FER1L5: variants seen among roughly 807,000 people sequenced by gnomAD.
FER1L5 encodes the protein fer-1-like protein 5.
In FER1L5, 187 loss-of-function variants were observed where a neutral mutation model predicts 279.9. The ratio of observed to expected loss-of-function variants is 0.67; its 90% CI spans 0.59 to 0.75. The LOEUF is 0.75. FER1L5 is among the 30% of genes least tolerant of loss of function. The pLI is 0.00. For missense variants in FER1L5, 2,091 were observed against 2,594.4 expected, an observed-to-expected ratio of 0.81 and a Z score of 4.21; for synonymous variants, 921 against 989.7, an observed-to-expected ratio of 0.93 and a Z score of 1.30.
intron 9 of FER1L5, among the ~76,000 whole-genome samples, chr2:96,659,048 C>G (rs2075714039): frequency 6.6e-6 from 1 of 151,916 alleles, no homozygotes; most frequent in Admixed American, 6.6e-5. Flanking sequence ...TGGGTTCATG[C>G]CATTCTCCTG....
chr2:96,697,539 T>C lies in FER1L5; in HGVS notation c.4097T>C (p.Leu1366Pro). Residue 1366 changes from leucine to proline, a missense_variant, in exon 38 of 53, where the codon CTC (leucine) becomes CCC (proline). Transcript: ENST00000624922. ...CTCCTTTTTCAGTTCCTAGGCTACC[T>C]CTACAGAAAGTTCTGGTTCAAGTCC... ...EKKHQDFLGY[L>P]YRKFWFKSSK... is the part of the protein sequence containing the mutation. 8 of 1,613,630 alleles carry C rather than the reference T, an allele frequency of 5.0e-6. No homozygotes were observed. Among genetic ancestry groups the C allele is most frequent in the Non-Finnish European group, 6.8e-6 (8 of 1,179,744 alleles).
chr2:96,665,566 ATCT>A (rs371632398), intron 14 of FER1L5, among the ~76,000 whole-genome samples: 6 of 150,214 alleles, frequency 4.0e-5, no homozygotes, highest in African/African-American at 1.2e-4. Context: ...GCCTTGGGAA[ATCT>A]TCTTTTTTCA....
rs1259640966 is a variant in FER1L5, at chr2:96,691,324, G to A, written c.2878G>A (p.Glu960Lys). 4 of 1,550,340 alleles carry A rather than the reference G, an allele frequency of 2.6e-6. No individual in the cohort carries two copies. Among genetic ancestry groups the A allele is most frequent in the South Asian group, 2.4e-5 (2 of 84,038 alleles). Residue 960 changes from glutamate (E) to lysine (K), a missense_variant, in exon 28 of 53, where the codon GAG becomes AAG. Physicochemically the swap from Glu to Lys is moderately conservative, Grantham distance 56. Transcript: ENST00000624922. The surrounding 1 kb of genome is among the most constrained non-coding windows in gnomAD (Gnocchi z 6.0). ...CAGGAACCATGGGGAGCTGAGCCACGAGCAGGAGACCCTCTCCTTCCTGCA... is the reference window on the plus strand; with the variant it reads ...CAGGAACCATGGGGAGCTGAGCCACAAGCAGGAGACCCTCTCCTTCCTGCA... Reference protein sequence around the residue: ...RFRNHGELSHEQETLSFLQLG... With the variant: ...RFRNHGELSHKQETLSFLQLG...
At chr2:96,677,053 G>T (rs918867608) in intron 19 of FER1L5, among the ~76,000 whole-genome samples, 2 of 152,148 alleles carry the variant, frequency 1.3e-5, no homozygotes, top group African/African-American at 2.4e-5. Context: ...CGTTGGCCAG[G>T]CTGGTCTCGA....
intron 10 of FER1L5, 24 bp downstream of exon 10, chr2:96,660,395 T>C (rs1010511307): frequency 1.4e-5 from 22 of 1,550,658 alleles, no homozygotes; most frequent in Non-Finnish European, 1.9e-5. Context: ...ATGGCAAATA[T>C]GTATGTCTTC....
chr2:96,697,563 C>A lies in FER1L5; in HGVS notation c.4121C>A (p.Ser1374Tyr). 6.2e-7 allele frequency: 1 copy of A among 1,613,744 alleles called. No individual in the cohort carries two copies. The highest frequency in any genetic ancestry group is 1.1e-5 in the South Asian group (1 of 90,984). ...CTCTACAGAAAGTTCTGGTTCAAGTCCAGTAAAGCAGAGGTGATGAAGGCT... is the reference window on the plus strand; with the variant it reads ...CTCTACAGAAAGTTCTGGTTCAAGTACAGTAAAGCAGAGGTGATGAAGGCT... ...GYLYRKFWFK[S>Y]SKAEDEYEHE... is the part of the protein sequence containing the mutation. The change falls in exon 38 of 53, where the codon TCC (serine) becomes TAC (tyrosine). Residue 1374 changes from serine to tyrosine, a missense_variant. By Grantham distance (144) the Ser-to-Tyr change is moderately radical (BLOSUM62 -2). Coordinates refer to ENST00000624922, the MANE Select transcript of FER1L5 (RefSeq NM_001293083.2).
rs1199864270 is a variant in FER1L5, at chr2:96,699,666, A to AC, written c.4729dup (p.Arg1577ProfsTer23). 3.7e-5 allele frequency: 59 copies of AC among 1,613,880 alleles called. No homozygotes were observed. The highest frequency in any genetic ancestry group is 4.9e-5 in the Non-Finnish European group (58 of 1,179,854). On this transcript the variant is annotated frameshift_variant, in exon 43 of 53. Transcript: ENST00000624922. LOFTEE classifies it high-confidence loss of function. ...GGAACCACAGTCATCGACCTTGAAA[A>AC]CCGACTCCTATCTGGCTTTGGAGCT... is the stretch of plus-strand genomic sequence containing the variant.
In FER1L5 at chr2:96,698,658, C is replaced by T. The variant is rs772305704; in HGVS notation, c.4357-13C>T. 2 of 1,573,908 alleles carry T rather than the reference C, an allele frequency of 1.3e-6. No homozygotes were observed. The highest frequency in any genetic ancestry group is 8.6e-7 in the Non-Finnish European group (1 of 1,159,306). ...ACTGCCAGGCTGGGCCCCCAACACC[C>T]TCCCCCCGCCAGGGCCTTTTCCGCA... On this transcript the variant is annotated splice_polypyrimidine_tract_variant and intron_variant, in intron 40 of 52. Coordinates refer to ENST00000624922, the MANE Select transcript of FER1L5 (RefSeq NM_001293083.2). This position sits in a 1 kb window ranked among gnomAD's most constrained non-coding sequence, Gnocchi z 5.5.
At chr2:96,681,861 C>T (rs2076741899) in intron 19 of FER1L5, among the ~76,000 whole-genome samples, 1 of 151,756 alleles carries the variant, frequency 6.6e-6, no homozygotes, top group South Asian at 2.1e-4. Context: ...GTTATCTCGG[C>T]TCACTGCACC....
Position 96,695,657 on chromosome 2 carries a change from C to T in FER1L5, c.3890C>T (p.Thr1297Ile). ...FPESESVLVL[T>I]VLMPTEEAYA... ...GAGTCTGAGTCTGTCCTAGTCCTCA[C>T]AGTGGTAAGAGGCCCCAGGGCAGGG... Residue 1297 changes from threonine (T) to isoleucine (I), a missense_variant, in exon 35 of 53, where the codon ACA becomes ATA. Transcript: ENST00000624922. 1 of 1,605,678 alleles carries T rather than the reference C, an allele frequency of 6.2e-7. No individual in the cohort carries two copies. Among genetic ancestry groups the T allele is most frequent in the Non-Finnish European group, 8.5e-7 (1 of 1,175,596 alleles).
chr2:96,657,119 G>A lies in FER1L5; in HGVS notation c.747+2623G>A, dbSNP rs887670678. Among the ~76,000 whole-genome samples, 13 of 150,682 alleles carry A rather than the reference G, an allele frequency of 8.6e-5. No individual in the cohort carries two copies. In the South Asian group the frequency reaches 2.3e-3, roughly 27 times the overall value. ...AGACAGAGTCTTGCTCTGTCACCCA[G>A]GCTTGAATGCTGTGGCACGATCTTG... On this transcript the variant is annotated intron_variant, in intron 9 of 52. Transcript: ENST00000624922.
At position 96,698,724 on chromosome 2, in the gene FER1L5, G is replaced by A. The variant is rs763869730; in HGVS notation, c.4410G>A (p.Pro1470=). 6.3e-6 allele frequency: 10 copies of A among 1,581,526 alleles called. No homozygotes were observed. Among genetic ancestry groups the A allele is most frequent in the South Asian group, 5.8e-5 (5 of 85,942 alleles). Residue 1470 remains proline, a synonymous_variant, in exon 41 of 53, where the codon CCG becomes CCA. Transcript: ENST00000624922. The surrounding 1 kb of genome is among the most constrained non-coding windows in gnomAD (Gnocchi z 5.5). ...AGAATCCAGAAGCCCCAAAGCCCCC[G>A]CTGCAGTTCTTGGTTTGGCCAGAGA... ...FPENPEAPKP[P]LQFLVWPERE... is the part of the protein sequence containing the mutation.
Position 96,698,647 on chromosome 2 carries a change from C to G in FER1L5, c.4357-24C>G. 4 of 1,563,840 alleles carry G rather than the reference C, an allele frequency of 2.6e-6. No homozygotes were observed. The highest frequency in any genetic ancestry group is 2.7e-5 in the African/African-American group (2 of 73,580). ...AGCTGGCCAGCACTGCCAGGCTGGG[C>G]CCCCAACACCCTCCCCCCGCCAGGG... On this transcript the variant is annotated intron_variant, in intron 40 of 52. Coordinates refer to ENST00000624922, the MANE Select transcript of FER1L5 (RefSeq NM_001293083.2). The surrounding 1 kb of genome is among the most constrained non-coding windows in gnomAD (Gnocchi z 5.5).
At chr2:96,666,291 GA>G (rs1343809415) in intron 14 of FER1L5, among the ~76,000 whole-genome samples, 10 of 150,192 alleles carry the variant, frequency 6.7e-5, no homozygotes, top group Admixed American at 6.7e-5. Context: ...AGGATGGATG[GA>G]AAGGTGGTTC....
In FER1L5 at chr2:96,695,649, A is replaced by C. The variant is rs989453335; in HGVS notation, c.3882A>C (p.Leu1294=). 3.7e-6 allele frequency: 6 copies of C among 1,606,318 alleles called. No homozygotes were observed. Among genetic ancestry groups the C allele is most frequent in the Non-Finnish European group, 5.1e-6 (6 of 1,176,014 alleles). ...NPNFPESESV[L]VLTVLMPTEE... is the part of the protein sequence containing the mutation. Reference sequence around the variant, plus strand: ...ACTTCCCCGAGTCTGAGTCTGTCCTAGTCCTCACAGTGGTAAGAGGCCCCA... The same window carrying C: ...ACTTCCCCGAGTCTGAGTCTGTCCTCGTCCTCACAGTGGTAAGAGGCCCCA... Residue 1294 remains leucine (L), a synonymous_variant, in exon 35 of 53, where the codon CTA becomes CTC. Coordinates refer to ENST00000624922, the MANE Select transcript of FER1L5 (RefSeq NM_001293083.2).
intron 19 of FER1L5, among the ~76,000 whole-genome samples, chr2:96,680,005 G>A (rs1467349038): frequency 6.6e-6 from 1 of 151,992 alleles, no homozygotes; most frequent in Admixed American, 6.6e-5. Context: ...GGCACTTTCT[G>A]CAATCTGCCC....
intron 43 of FER1L5, 43 bp downstream of exon 43, chr2:96,699,763 G>A (rs756798978): frequency 1.9e-6 from 3 of 1,608,750 alleles, no homozygotes; most frequent in Admixed American, 1.7e-5. Context: ...AGGTGGGGTG[G>A]AAGAGTGAGC....
intron 14 of FER1L5, among the ~76,000 whole-genome samples, chr2:96,663,879 C>A (rs749252982): frequency 6.6e-6 from 1 of 152,012 alleles, no homozygotes; most frequent in Non-Finnish European, 1.5e-5. Context: ...CCAGACTCTA[C>A]TAAAAAGATA....
intron 2 of FER1L5, among the ~76,000 whole-genome samples, 167 bp from the exon 3 acceptor site, chr2:96,646,897 G>C (rs1445208724): frequency 6.6e-6 from 1 of 152,056 alleles, no homozygotes; most frequent in East Asian, 1.9e-4. Context: ...CCCACACCTT[G>C]GTGAAAGGTA....
Sources: gnomAD v4.1 joint callset for allele counts (sites outside exome capture counted in the v4.1 genomes callset) on GRCh38, gnomAD v4.1.1 for gene constraint, Gnocchi (gnomAD v3.1) non-coding constraint, MANE v1.5 for transcripts, NCBI Gene and HGNC (gene_info 2026-07-23, HGNC 2026-07-21) for gene names.